ARHGAP18: variants seen among roughly 807,000 people sequenced by gnomAD.
The protein encoded by ARHGAP18 is rho GTPase-activating protein 18.
ARHGAP18 carries 67 observed loss-of-function variants against 86.2 expected under a neutral mutation model. That is an observed-to-expected ratio of 0.78 (90% CI 0.64 to 0.95). The LOEUF (loss-of-function observed/expected upper bound fraction) is 0.95, where lower values mean the gene tolerates loss of function less well. Among genes scored for constraint, ARHGAP18 ranks in the 40% least tolerant of loss-of-function variants. The pLI is 0.00. For synonymous variants in ARHGAP18, 283 were observed against 280.4 expected, an observed-to-expected ratio of 1.01 and a Z score of -0.09; for missense variants, 691 against 780.4, an observed-to-expected ratio of 0.89 and a Z score of 1.37.
intron 1 of ARHGAP18, among the ~76,000 whole-genome samples, chr6:129,649,308 C>T (rs1410019739): frequency 6.6e-6 from 1 of 152,172 alleles, no homozygotes; most frequent in Non-Finnish European, 1.5e-5. Context: ...GTAATCCCAG[C>T]ACTTCGGGAG....
chr6:129,602,320 C>A (rs1788763892), intron 10 of ARHGAP18, among the ~76,000 whole-genome samples: 1 of 152,096 alleles, frequency 6.6e-6, no homozygotes, highest in South Asian at 2.1e-4. Context: ...ATACAGCTAA[C>A]AAATCCTGAG....
intron 1 of ARHGAP18, among the ~76,000 whole-genome samples, chr6:129,702,795 T>C (rs1025474356): frequency 6.6e-6 from 1 of 151,608 alleles, no homozygotes; most frequent in South Asian, 2.1e-4. Flanking sequence ...AGGTCAGGAG[T>C]TCGAGACCAG....
chr6:129,588,121 C>CTTTTT (rs398066269), intron 12 of ARHGAP18, among the ~76,000 whole-genome samples: 5 of 142,584 alleles, frequency 3.5e-5, no homozygotes, highest in African/African-American at 5.3e-5. Context: ...GTCACCAAAT[C>CTTTTT]TTTTTTTTTT....
chr6:129,610,750 C>T (rs914969680), intron 8 of ARHGAP18, among the ~76,000 whole-genome samples: 1 of 152,166 alleles, frequency 6.6e-6, no homozygotes, highest in Non-Finnish European at 1.5e-5. Context: ...GCCTCAGCCT[C>T]CTGAGTAGCT....
At chr6:129,590,588 A>G (rs1788489024) in intron 12 of ARHGAP18, among the ~76,000 whole-genome samples, 1 of 152,214 alleles carries the variant, frequency 6.6e-6, no homozygotes, top group Non-Finnish European at 1.5e-5. Context: ...CTCAATGAGC[A>G]GAGGATGAGG....
Position 129,580,038 on chromosome 6 carries a change from T to C in ARHGAP18, c.1900+32A>G, listed in dbSNP as rs1360561975. 5 of 1,550,410 alleles carry C rather than the reference T, an allele frequency of 3.2e-6. No individual in the cohort carries two copies. The African/African-American group carries it at 5.5e-5, about 17-fold the overall frequency. On this transcript the variant is annotated intron_variant, in intron 14 of 14. Transcript: ENST00000368149. ...AACCACTGGCAATATCAAAACAGCATATAAAATGTAAAGAGAAAAAAAAGT... is the reference window on the plus strand; with the variant it reads ...AACCACTGGCAATATCAAAACAGCACATAAAATGTAAAGAGAAAAAAAAGT...
chr6:129,644,595 C>T (rs1209320169), intron 1 of ARHGAP18, among the ~76,000 whole-genome samples: 1 of 152,182 alleles, frequency 6.6e-6, no homozygotes, highest in Non-Finnish European at 1.5e-5. Context: ...TCTCCTTTAA[C>T]TCTTACCCCC....
At chr6:129,656,919 T>G (rs949868965) in intron 1 of ARHGAP18, among the ~76,000 whole-genome samples, 1 of 152,180 alleles carries the variant, frequency 6.6e-6, no homozygotes, top group Admixed American at 6.5e-5. Flanking sequence ...GGCCAATGAG[T>G]TTTACTCCTT....
chr6:129,605,489 T>A (rs1233487225), intron 10 of ARHGAP18, among the ~76,000 whole-genome samples: 1 of 152,088 alleles, frequency 6.6e-6, no homozygotes, highest in East Asian at 1.9e-4. Context: ...TTGATAAAAC[T>A]TAGGATTTTT....
At chr6:129,633,266 TAAAAAAAA>T (rs10713691) in intron 4 of ARHGAP18, among the ~76,000 whole-genome samples, 1 of 132,250 alleles carries the variant, frequency 7.6e-6, no homozygotes, top group Non-Finnish European at 1.6e-5. Context: ...TGTCTCTACT[TAAAAAAAA>T]AAAAAAAAAA....
intron 1 of ARHGAP18, among the ~76,000 whole-genome samples, chr6:129,648,976 T>C (rs1292382958): frequency 6.6e-6 from 1 of 152,204 alleles, no homozygotes; most frequent in South Asian, 2.1e-4. Flanking sequence ...CAGTCATTAT[T>C]AGAAGTGGCT....
At chr6:129,688,913 C>A (rs527324431) in intron 1 of ARHGAP18, among the ~76,000 whole-genome samples, 1 of 152,226 alleles carries the variant, frequency 6.6e-6, no homozygotes, top group East Asian at 1.9e-4. Flanking sequence ...ATGCTAAGAG[C>A]ACTGCATCTA....
intron 8 of ARHGAP18, among the ~76,000 whole-genome samples, chr6:129,610,154 T>C (rs1385137114): frequency 6.6e-6 from 1 of 152,230 alleles, no homozygotes; most frequent in Non-Finnish European, 1.5e-5. Flanking sequence ...AGTGCAGAGC[T>C]AAAGGTGAAT....
intron 12 of ARHGAP18, chr6:129,598,855 G>C (rs1200573547): frequency 6.5e-6 from 1 of 154,968 alleles, no homozygotes; most frequent in African/African-American, 2.4e-5. Context: ...TGGTTCACAT[G>C]ATGTTATTTA....
intron 1 of ARHGAP18, among the ~76,000 whole-genome samples, chr6:129,676,266 G>A (rs1774229172): frequency 6.6e-6 from 1 of 151,964 alleles, no homozygotes; most frequent in Non-Finnish European, 1.5e-5. Flanking sequence ...GAGGGAAAGT[G>A]GTAAGGACTG....
At chr6:129,636,936 C>G (rs1403640248) in intron 3 of ARHGAP18, among the ~76,000 whole-genome samples, 1 of 152,156 alleles carries the variant, frequency 6.6e-6, no homozygotes, top group African/African-American at 2.4e-5. Context: ...ATGAAAGAAA[C>G]AAGGATCATT....
At chr6:129,646,774 C>T (rs1265818393) in intron 1 of ARHGAP18, among the ~76,000 whole-genome samples, 1 of 152,152 alleles carries the variant, frequency 6.6e-6, no homozygotes. Flanking sequence ...GGAAACTCCA[C>T]TGTATTCTCA....
At chr6:129,607,833 A>G (rs749498124) in intron 9 of ARHGAP18, 60 bp downstream of exon 9, 2 of 1,468,250 alleles carry the variant, frequency 1.4e-6, no homozygotes, top group Non-Finnish European at 1.8e-6. Flanking sequence ...AAATGTCATT[A>G]AAACAATTAA....
In ARHGAP18 at chr6:129,618,812, A is replaced by G. The variant is rs1789149906; in HGVS notation, c.827T>C (p.Ile276Thr). 1 of 1,613,266 alleles carries G rather than the reference A, an allele frequency of 6.2e-7. No homozygotes were observed. The highest frequency in any genetic ancestry group is 1.1e-5 in the South Asian group (1 of 91,008). Reference sequence around the variant, plus strand: ...CATGTCCTGGGGTGCGAGGTCACCAATCCTTGTGGTACCCGTTTTGTCTTT... The same window carrying G: ...CATGTCCTGGGGTGCGAGGTCACCAGTCCTTGTGGTACCCGTTTTGTCTTT... ...LPKDKTGTTR[I>T]GDLAPQDMKK... Residue 276 changes from isoleucine to threonine, a missense_variant, in exon 6 of 15, where the codon ATT becomes ACT. Transcript: ENST00000368149.
Sources: allele counts gnomAD v4.1 joint callset (sites outside exome capture counted in the v4.1 genomes callset), GRCh38; gene constraint gnomAD v4.1.1; transcripts MANE v1.5; gene names NCBI Gene and HGNC (gene_info 2026-07-23, HGNC 2026-07-21).